CTNND2: variants seen among roughly 807,000 people sequenced by gnomAD.
The protein encoded by CTNND2 is catenin delta 2.
A neutral mutation model predicts 144.4 loss-of-function variants in CTNND2; 22 were observed. The observed-to-expected ratio is 0.15, with a 90% CI of 0.11 to 0.22. The LOEUF (loss-of-function observed/expected upper bound fraction) is 0.22, where lower values mean the gene tolerates loss of function less well. CTNND2 is among the 10% of genes least tolerant of loss of function. The pLI, the probability that CTNND2 is intolerant of heterozygous loss-of-function variation, is 1.00. For missense variants in CTNND2, 1,353 were observed against 1,618.8 expected, an observed-to-expected ratio of 0.84 and a Z score of 2.82; for synonymous variants, 751 against 695.6, an observed-to-expected ratio of 1.08 and a Z score of -1.25.
In CTNND2 at chr5:11,384,808, G is replaced by C. The variant is rs1430421428; in HGVS notation, c.1034C>G (p.Pro345Arg). Residue 345 changes from proline (P) to arginine (R), a missense_variant, in exon 7 of 22, where the codon CCC (proline) becomes CGC (arginine). By Grantham distance (103) the Pro-to-Arg change is moderately radical (BLOSUM62 -2). Transcript: ENST00000304623. The surrounding 1 kb of genome is among the most constrained non-coding windows in gnomAD (Gnocchi z 5.2). ...GATGGTGGAGCTCAGCTGGTGGATGGGCGAGGAGGAGATGGTGGACTGCAC... is the reference window on the plus strand; with the variant it reads ...GATGGTGGAGCTCAGCTGGTGGATGCGCGAGGAGGAGATGGTGGACTGCAC... ...PTVQSTISSS[P>R]IHQLSSTIGT... The C allele has an allele frequency of 6.2e-7, 1 of 1,613,238 alleles. No homozygotes were observed. Among genetic ancestry groups the C allele is most frequent in the Non-Finnish European group, 8.5e-7 (1 of 1,179,770 alleles).
intron 5 of CTNND2, among the ~76,000 whole-genome samples, chr5:11,400,761 T>A (rs16901576): frequency 0.11 from 16,306 of 152,154 alleles, 1,574 homozygotes; most frequent in African/African-American, 0.26. Flanking sequence ...CAGCAACCTG[T>A]GAAAAAAACT....
intron 9 of CTNND2, among the ~76,000 whole-genome samples, chr5:11,296,258 A>G (rs1748979947): frequency 6.6e-6 from 1 of 152,106 alleles, no homozygotes; most frequent in Admixed American, 6.5e-5. Context: ...GCCATCAGAG[A>G]AATGCAAATC....
At chr5:11,870,108 T>C (rs1795958333) in intron 1 of CTNND2, among the ~76,000 whole-genome samples, 1 of 151,944 alleles carries the variant, frequency 6.6e-6, no homozygotes, top group African/African-American at 2.4e-5. Flanking sequence ...ATGGAGAAAA[T>C]CAAAAGGGAG....
At chr5:11,306,952 G>T (rs1290579361) in intron 9 of CTNND2, among the ~76,000 whole-genome samples, 1 of 152,136 alleles carries the variant, frequency 6.6e-6, no homozygotes, top group South Asian at 2.1e-4. Context: ...CATGCTCATG[G>T]TCTCAGTGCA....
intron 3 of CTNND2, among the ~76,000 whole-genome samples, chr5:11,460,737 C>T (rs1345286226): frequency 6.6e-6 from 1 of 152,120 alleles, no homozygotes; most frequent in Non-Finnish European, 1.5e-5. Context: ...ATCACTTTAC[C>T]TTAGCTGACT....
intron 2 of CTNND2, among the ~76,000 whole-genome samples, chr5:11,694,939 T>C (rs909764722): frequency 8.5e-5 from 13 of 152,238 alleles, no homozygotes; most frequent in African/African-American, 2.9e-4. Flanking sequence ...CTTAAATGTA[T>C]ATGGTACAGT....
chr5:11,841,495 C>T (rs116647319), intron 1 of CTNND2, among the ~76,000 whole-genome samples: 2,143 of 152,174 alleles, frequency 0.014, 52 homozygotes, highest in African/African-American at 0.05. Flanking sequence ...TGGGAGAAAA[C>T]TGTTAAAACA....
Position 11,903,839 on chromosome 5 carries a change from C to T in CTNND2, c.15G>A (p.Lys5=), listed in dbSNP as rs1317529527. MFAR[K]PPGAAPLGAM... Reference sequence around the variant, plus strand: ...CACCCAAAGGCGCGGCGCCCGGCGGCTTCCTCGCAAACATGCACCCTCCGC... The same window carrying T: ...CACCCAAAGGCGCGGCGCCCGGCGGTTTCCTCGCAAACATGCACCCTCCGC... The change falls in exon 1 of 22, where the codon AAG becomes AAA. Residue 5 remains lysine, a synonymous_variant. Coordinates refer to ENST00000304623, the MANE Select transcript of CTNND2 (RefSeq NM_001332.4). The surrounding 1 kb of genome is among the most constrained non-coding windows in gnomAD (Gnocchi z 5.4). 1 of 1,483,246 alleles carries T rather than the reference C, an allele frequency of 6.7e-7. No homozygotes were observed. The highest frequency in any genetic ancestry group is 1.3e-5 in the South Asian group (1 of 79,124). The allele number at this position is 1,483,246 out of a possible 1,614,324, so 91.9% of individuals were successfully genotyped here. A position where few individuals can be genotyped will look rare whatever the true frequency, so the allele number is the denominator to read the frequency against.
At chr5:11,182,040 G>A (rs1174271039) in intron 11 of CTNND2, among the ~76,000 whole-genome samples, 4 of 141,762 alleles carry the variant, frequency 2.8e-5, no homozygotes, top group Non-Finnish European at 4.6e-5. Context: ...TATGTGTGGT[G>A]TGTGTGGGGT....
At chr5:11,521,059 A>AG in intron 3 of CTNND2, among the ~76,000 whole-genome samples, 1 of 152,166 alleles carries the variant, frequency 6.6e-6, no homozygotes. Flanking sequence ...AGGAAAATAG[A>AG]GGGGTAATTC....
intron 1 of CTNND2, among the ~76,000 whole-genome samples, chr5:11,762,799 T>C (rs970153042): frequency 1.3e-5 from 2 of 152,236 alleles, no homozygotes; most frequent in Non-Finnish European, 1.5e-5. Flanking sequence ...CCTGTTCATA[T>C]ATGGATTTGG....
chr5:11,710,348 C>G (rs1424818318), intron 2 of CTNND2, among the ~76,000 whole-genome samples: 2 of 152,102 alleles, frequency 1.3e-5, no homozygotes, highest in Non-Finnish European at 2.9e-5. Context: ...CGAGATCATC[C>G]TGGCCAACAT....
intron 9 of CTNND2, among the ~76,000 whole-genome samples, chr5:11,324,637 T>C (rs1369451100): frequency 6.6e-6 from 1 of 152,158 alleles, no homozygotes; most frequent in Admixed American, 6.5e-5. Flanking sequence ...CGGGGGCACA[T>C]CAGGTTATTG....
intron 1 of CTNND2, among the ~76,000 whole-genome samples, chr5:11,783,130 G>C (rs775485242): frequency 6.6e-6 from 1 of 152,150 alleles, no homozygotes; most frequent in Non-Finnish European, 1.5e-5. Context: ...GAGAGGTTGA[G>C]ATCATGTGTC....
chr5:10,997,258 A>G (rs1329937094), intron 18 of CTNND2, among the ~76,000 whole-genome samples: 1 of 152,200 alleles, frequency 6.6e-6, no homozygotes, highest in Non-Finnish European at 1.5e-5. Flanking sequence ...AGATATTTCA[A>G]CAATGTATGT....
intron 16 of CTNND2, among the ~76,000 whole-genome samples, chr5:11,076,252 G>C (rs1748938070): frequency 6.6e-6 from 1 of 152,224 alleles, no homozygotes; most frequent in African/African-American, 2.4e-5. Flanking sequence ...AAAGGCCACT[G>C]CAAGGTGGGC....
At chr5:11,038,305 G>C (rs891030067) in intron 16 of CTNND2, among the ~76,000 whole-genome samples, 1 of 152,126 alleles carries the variant, frequency 6.6e-6, no homozygotes, top group Non-Finnish European at 1.5e-5. Flanking sequence ...CCTGAGCTTC[G>C]CCTTCTGTCA....
intron 16 of CTNND2, 123 bp from the exon 17 acceptor site, chr5:11,023,102 C>T: frequency 1.3e-6 from 1 of 785,308 alleles, no homozygotes; most frequent in Non-Finnish European, 2.1e-6. Flanking sequence ...TTGTTTGTTT[C>T]CCATCACTGA....
chr5:11,554,698 CCTTTT>C (rs1397825799), intron 3 of CTNND2, among the ~76,000 whole-genome samples: 3 of 151,974 alleles, frequency 2.0e-5, no homozygotes, highest in Non-Finnish European at 4.4e-5. Flanking sequence ...CTACTATCAT[CCTTTT>C]CTTAAGATCA....
Sources: gnomAD v4.1 joint callset for allele counts (sites outside exome capture counted in the v4.1 genomes callset) on GRCh38, gnomAD v4.1.1 for gene constraint, Gnocchi (gnomAD v3.1) non-coding constraint, MANE v1.5 for transcripts, NCBI Gene and HGNC (gene_info 2026-07-23, HGNC 2026-07-21) for gene names.